Variants in COL5A1 observed in about 807,000 individuals in gnomAD.
The protein encoded by COL5A1 is collagen type V alpha 1 chain.
In COL5A1, 16 loss-of-function variants were observed where a neutral mutation model predicts 263.7. That is an observed-to-expected ratio of 0.06 (90% CI 0.04 to 0.09). The LOEUF (loss-of-function observed/expected upper bound fraction) is 0.09, where lower values mean the gene tolerates loss of function less well. Among genes scored for constraint, COL5A1 ranks in the 10% least tolerant of loss-of-function variants. The probability of loss-of-function intolerance (pLI) is 1.00; values close to 1 mark genes in which losing one functional copy is unlikely to be tolerated. For synonymous variants in COL5A1, 1,012 were observed against 1,004.5 expected (o/e 1.01, Z -0.14); for missense variants, 2,036 against 2,540.5 (o/e 0.80, Z 4.27).
In COL5A1 at chr9:134,822,040, G is replaced by A. The variant is rs971686867; in HGVS notation, c.4555-57G>A. 6.7e-6 allele frequency: 10 copies of A among 1,494,188 alleles called. No individual in the cohort carries two copies. In the African/African-American group the frequency reaches 1.4e-4, roughly 21 times the overall value. 92.6% of individuals were successfully genotyped at this position (1,494,188 alleles called of 1,614,324 possible). A position where few individuals can be genotyped will look rare whatever the true frequency, so the allele number is the denominator to read the frequency against. ...GGTGTGGCTGGGTAGCAGGGTTGCA[G>A]CCCCGCAGCTCCTCCTCGTCTGAAG... On this transcript the variant is annotated intron_variant, in intron 58 of 65. Transcript: ENST00000371817.
chr9:134,778,944 C>T (rs1013816447), intron 27 of COL5A1, among the ~76,000 whole-genome samples: 5 of 152,260 alleles, frequency 3.3e-5, no homozygotes, highest in African/African-American at 9.6e-5. Context: ...AGCCAGGGCA[C>T]GCAGCCCAAG....
At chr9:134,816,990 C>A (rs1462505004) in intron 52 of COL5A1, 36 bp from the exon 53 acceptor site, 1 of 1,605,670 alleles carries the variant, frequency 6.2e-7, no homozygotes, top group South Asian at 1.1e-5. Flanking sequence ...TAACGGGCCC[C>A]AATTCCTCAC....
At chr9:134,793,928 T>C (rs539489037) in intron 32 of COL5A1, among the ~76,000 whole-genome samples, 4 of 152,306 alleles carry the variant, frequency 2.6e-5, no homozygotes, top group African/African-American at 9.6e-5. Context: ...TGGGAGACTC[T>C]AGGAAGCAGT....
At position 134,757,176 on chromosome 9, in the gene COL5A1, C is replaced by T. The variant is rs1052063210; in HGVS notation, c.1881+358C>T. 6.6e-6 allele frequency among the ~76,000 whole-genome samples: 1 copy of T among 152,010 alleles called. No homozygotes were observed. The highest frequency in any genetic ancestry group is 1.5e-5 in the Non-Finnish European group (1 of 68,010). ...CAGGGGGTCTTGTCCAGTCGGGACT[C>T]CTGGGTGTTGTGGAGGTGAGTAGAT... On this transcript the variant is annotated intron_variant, in intron 17 of 65. Transcript: ENST00000371817. The surrounding 1 kb of genome is among the most constrained non-coding windows in gnomAD (Gnocchi z 6.2).
intron 11 of COL5A1, among the ~76,000 whole-genome samples, chr9:134,748,016 CACATGCATTCAT>C (rs1310828099): frequency 6.7e-6 from 1 of 150,204 alleles, no homozygotes; most frequent in African/African-American, 2.5e-5. Flanking sequence ...TGCATTCACA[CACATGCATTCAT>C]ACACATGCAG....
Position 134,641,824 on chromosome 9 carries a change from G to C in COL5A1, c.-364G>C, listed in dbSNP as rs780212970. On this transcript the variant is annotated 5_prime_UTR_variant, in exon 1 of 66. Transcript: ENST00000371817. Reference sequence around the variant, plus strand: ...CGAGGTCCGCACTCTCCGTCCCCGCGGCTGGCGCAGGACCTCACTCGAGCG... The same window carrying C: ...CGAGGTCCGCACTCTCCGTCCCCGCCGCTGGCGCAGGACCTCACTCGAGCG... 308 of 387,692 alleles carry C rather than the reference G, an allele frequency of 7.9e-4. 2 individuals carry two copies. The highest frequency in any genetic ancestry group is 3.9e-3 in the Middle Eastern group (6 of 1,538). 24.0% of individuals were successfully genotyped at this position (387,692 alleles called of 1,614,324 possible). A position where few individuals can be genotyped will look rare whatever the true frequency, so the allele number is the denominator to read the frequency against.
chr9:134,806,046 G>A (rs1838284689), intron 41 of COL5A1, 143 bp from the exon 42 acceptor site: 6 of 686,048 alleles, frequency 8.7e-6, no homozygotes. Context: ...AGACCAGGTA[G>A]TCTGTGCTTG....
intron 6 of COL5A1, 46 bp from the exon 7 acceptor site, chr9:134,730,190 G>T (rs1432031115): frequency 1.2e-6 from 2 of 1,607,646 alleles, no homozygotes; most frequent in Non-Finnish European, 8.5e-7. Context: ...TGGCACCACT[G>T]CCGGCCTCCG....
At chr9:134,788,928 G>T (rs1184791393) in intron 31 of COL5A1, among the ~76,000 whole-genome samples, 2 of 149,510 alleles carry the variant, frequency 1.3e-5, no homozygotes, top group African/African-American at 4.9e-5. Flanking sequence ...GAATGGGTAG[G>T]TGGGTAGACA....
Position 134,815,604 on chromosome 9 carries a change from G to C in COL5A1, c.4043G>C (p.Gly1348Ala), listed in dbSNP as rs1060502252. Reference sequence around the variant, plus strand: ...CCAGTGGGTTTTCCTGGAGATCCTGGCCCCCCCGGAGAGCCTGGCCCCGCG... The same window carrying C: ...CCAGTGGGTTTTCCTGGAGATCCTGCCCCCCCCGGAGAGCCTGGCCCCGCG... ...PGPVGFPGDP[G>A]PPGEPGPAGQ... Residue 1348 changes from glycine to alanine, a missense_variant, in exon 51 of 66, where the codon GGC becomes GCC. Gly to Ala is a moderately conservative substitution (Grantham distance 60). Transcript: ENST00000371817. 3 of 1,613,482 alleles carry C rather than the reference G, an allele frequency of 1.9e-6. No homozygotes were observed. Among genetic ancestry groups the C allele is most frequent in the Admixed American group, 1.7e-5 (1 of 59,958 alleles).
chr9:134,645,203 C>T (rs1395789263), intron 1 of COL5A1, among the ~76,000 whole-genome samples: 1 of 152,216 alleles, frequency 6.6e-6, no homozygotes, highest in Non-Finnish European at 1.5e-5. Context: ...GCTGCTCCTG[C>T]GGGGCTGGCC....
Position 134,795,331 on chromosome 9 carries a change from C to T in COL5A1, c.2799+16C>T. The T allele has an allele frequency of 6.2e-7, 1 of 1,613,172 alleles. No individual in the cohort carries two copies. Among genetic ancestry groups the T allele is most frequent in the South Asian group, 1.1e-5 (1 of 91,056 alleles). ...TGGCCCCAAGGTATGTTTTTGGCCT[C>T]CTGGGCGGTGGGCGGCGTGAACCCA... is the stretch of plus-strand genomic sequence containing the variant. On this transcript the variant is annotated intron_variant, in intron 34 of 65. Transcript: ENST00000371817.
intron 2 of COL5A1, among the ~76,000 whole-genome samples, chr9:134,698,492 C>A (rs1833562309): frequency 6.6e-6 from 1 of 152,246 alleles, no homozygotes; most frequent in Admixed American, 6.5e-5. Context: ...TTTGCAGAAC[C>A]TCAGGAGATC....
chr9:134,708,002 G>A (rs569321386), intron 4 of COL5A1, among the ~76,000 whole-genome samples: 1 of 152,304 alleles, frequency 6.6e-6, no homozygotes, highest in East Asian at 1.9e-4. Flanking sequence ...TGCGGAGCTG[G>A]GAAAACCCAC....
intron 4 of COL5A1, among the ~76,000 whole-genome samples, chr9:134,723,645 G>A (rs1056767134): frequency 5.3e-5 from 8 of 152,210 alleles, no homozygotes; most frequent in African/African-American, 9.7e-5. Context: ...GGGTGCTGGC[G>A]TGCACCCAGG....
chr9:134,704,622 AG>A (rs1277788248), intron 4 of COL5A1, among the ~76,000 whole-genome samples: 2 of 152,206 alleles, frequency 1.3e-5, no homozygotes, highest in Admixed American at 6.5e-5. Flanking sequence ...AGTGGCTGCC[AG>A]GAACGAGAGG....
At chr9:134,689,712 C>T (rs1001140945) in intron 1 of COL5A1, among the ~76,000 whole-genome samples, 6 of 152,292 alleles carry the variant, frequency 3.9e-5, no homozygotes, top group African/African-American at 7.2e-5. Context: ...CTGAGCTGAC[C>T]GTCTGGGACA....
chr9:134,777,245 A>G (rs1472325195), intron 27 of COL5A1, among the ~76,000 whole-genome samples: 1 of 152,232 alleles, frequency 6.6e-6, no homozygotes, highest in Non-Finnish European at 1.5e-5. Flanking sequence ...GTTCACATCC[A>G]GGCCTTGGGC....
rs960357056 is a variant in COL5A1, at chr9:134,817,817, G to A, written c.4216G>A (p.Glu1406Lys). 3 of 1,609,892 alleles carry A rather than the reference G, an allele frequency of 1.9e-6. No individual in the cohort carries two copies. The highest frequency in any genetic ancestry group is 2.5e-6 in the Non-Finnish European group (3 of 1,178,180). ...CGCAGGCCCCGAAGGCAGACAGGGA[G>A]AGAAAGGGGCCAAGGTAACGTGTTT... ...GPAGPEGRQG[E>K]KGAKGEAGLE... Residue 1406 changes from glutamate (E) to lysine (K), a missense_variant, in exon 54 of 66, where the codon GAG becomes AAG. By Grantham distance (56) the Glu-to-Lys change is moderately conservative. Transcript: ENST00000371817.
Sources: allele counts gnomAD v4.1 joint callset (sites outside exome capture counted in the v4.1 genomes callset), GRCh38; gene constraint gnomAD v4.1.1; non-coding constraint Gnocchi (gnomAD v3.1); transcripts MANE v1.5; gene names NCBI Gene and HGNC (gene_info 2026-07-23, HGNC 2026-07-21).